The following FRAS1 variants were observed in gnomAD, a reference collection of about 807,000 sequenced individuals.
FRAS1 encodes Fraser extracellular matrix complex subunit 1, also known as extracellular matrix organizing protein FRAS1.
A neutral mutation model predicts 435.2 loss-of-function variants in FRAS1; 290 were observed. The ratio of observed to expected loss-of-function variants is 0.67; its 90% confidence interval spans 0.61 to 0.73. The LOEUF (loss-of-function observed/expected upper bound fraction) is 0.73. Among genes scored for constraint, FRAS1 ranks in the 30% least tolerant of loss-of-function variants. FRAS1 has a pLI of 0.00. For synonymous variants in FRAS1, 1,800 were observed against 1,851.0 expected (o/e 0.97, Z 0.71); for missense variants, 4,860 against 5,001.5 (o/e 0.97, Z 0.85).
chr4:78,425,162 A>C (rs1578316244), intron 35 of FRAS1, among the ~76,000 whole-genome samples: 3 of 152,014 alleles, frequency 2.0e-5, no homozygotes, highest in Middle Eastern at 3.4e-3. Context: ...TTATTGCTAC[A>C]TAATCATTAC....
intron 33 of FRAS1, among the ~76,000 whole-genome samples, chr4:78,419,513 G>A (rs368907660): frequency 2.6e-5 from 4 of 152,152 alleles, no homozygotes; most frequent in South Asian, 2.1e-4. Context: ...TTCCTTCCCC[G>A]ATTGGATACA....
In FRAS1 at chr4:78,305,346, G is replaced by C. The variant is rs906482710; in HGVS notation, c.1535-2720G>C. On this transcript the variant is annotated intron_variant, in intron 14 of 73. Coordinates refer to ENST00000512123, the MANE Select transcript of FRAS1 (RefSeq NM_025074.7). ...AAAAGAATGTATATTCTGTTGATTT[G>C]GGGTGGAGAGTTCTGTAGATGTCTA... Among the ~76,000 whole-genome samples, 76 of 151,592 alleles carry C rather than the reference G, an allele frequency of 5.0e-4. 1 individual carries two copies. In the East Asian group the frequency reaches 0.011, roughly 23 times the overall value.
chr4:78,168,576 C>T lies in FRAS1; in HGVS notation c.109-68934C>T, dbSNP rs141050363. On this transcript the variant is annotated intron_variant, in intron 2 of 73. Coordinates refer to ENST00000512123, the MANE Select transcript of FRAS1 (RefSeq NM_025074.7). ...TGCCATTTTTATTACTGTCTACTAC[C>T]TTTTCTCCTTTTATCAGAGCATTGG... 2.6e-3 allele frequency among the ~76,000 whole-genome samples: 399 copies of T among 152,000 alleles called. 2 individuals are homozygous for T. The highest frequency in any genetic ancestry group is 8.7e-3 in the African/African-American group (361 of 41,506).
intron 2 of FRAS1, among the ~76,000 whole-genome samples, chr4:78,205,205 T>C (rs75199560): frequency 1.3e-5 from 2 of 151,580 alleles, no homozygotes; most frequent in African/African-American, 4.8e-5. Context: ...TTTTTTTTTT[T>C]TGTTTTGTTT....
At chr4:78,274,889 G>T (rs1243490850) in intron 9 of FRAS1, among the ~76,000 whole-genome samples, 5 of 152,158 alleles carry the variant, frequency 3.3e-5, no homozygotes, top group Admixed American at 3.3e-4. Flanking sequence ...CTGTCTCGTT[G>T]ATCTGTCTAA....
At chr4:78,267,721 C>T in intron 9 of FRAS1, among the ~76,000 whole-genome samples, 1 of 152,218 alleles carries the variant, frequency 6.6e-6, no homozygotes, top group East Asian at 1.9e-4. Context: ...GGGACATTAG[C>T]CTATCAGGCA....
chr4:78,120,716 G>T (rs78868957), intron 2 of FRAS1, among the ~76,000 whole-genome samples: 5 of 152,154 alleles, frequency 3.3e-5, no homozygotes, highest in Admixed American at 6.5e-5. Flanking sequence ...GCAGACTTTA[G>T]GGGTCTATCC....
intron 44 of FRAS1, among the ~76,000 whole-genome samples, chr4:78,449,790 C>T (rs1237049188): frequency 4.6e-5 from 7 of 152,090 alleles, no homozygotes; most frequent in Non-Finnish European, 1.0e-4. Flanking sequence ...TAAACTAAAT[C>T]CAAGCAGGTT....
intron 14 of FRAS1, among the ~76,000 whole-genome samples, 170 bp downstream of exon 14, chr4:78,286,709 A>G (rs1461398804): frequency 2.0e-5 from 3 of 152,224 alleles, no homozygotes; most frequent in African/African-American, 7.2e-5. Flanking sequence ...TAGAGAAATG[A>G]TACATGTTGA....
intron 56 of FRAS1, among the ~76,000 whole-genome samples, chr4:78,480,437 C>T (rs1046345302): frequency 6.6e-6 from 1 of 152,186 alleles, no homozygotes; most frequent in Non-Finnish European, 1.5e-5. Flanking sequence ...TGATGGCAGG[C>T]AGGGCTGTGG....
chr4:78,263,201 C>T (rs1378826526), intron 6 of FRAS1, among the ~76,000 whole-genome samples: 1 of 152,212 alleles, frequency 6.6e-6, no homozygotes, highest in Non-Finnish European at 1.5e-5. Context: ...ACTTCCTCTC[C>T]AGTTCTGGCT....
At chr4:78,332,882 T>A (rs796666076) in intron 18 of FRAS1, among the ~76,000 whole-genome samples, 3 of 152,322 alleles carry the variant, frequency 2.0e-5, no homozygotes, top group African/African-American at 7.2e-5. Flanking sequence ...TCACCAGCTT[T>A]TCCCTTTGAT....
At chr4:78,473,252 C>T (rs1719762391) in intron 52 of FRAS1, among the ~76,000 whole-genome samples, 186 bp from the exon 53 acceptor site, 1 of 151,938 alleles carries the variant, frequency 6.6e-6, no homozygotes, top group African/African-American at 2.4e-5. Flanking sequence ...TTTCACAGAG[C>T]TTCAGGATTT....
rs751925573 is a variant in FRAS1 at position 78,445,615 on chromosome 4, T to C, written c.5759T>C (p.Val1920Ala). 2 of 1,613,918 alleles carry C rather than the reference T, an allele frequency of 1.2e-6. No individual in the cohort carries two copies. Among genetic ancestry groups the C allele is most frequent in the Non-Finnish European group, 1.7e-6 (2 of 1,179,826 alleles). ...LENYIYYFQS[V>A]HESIEPTHDI... Reference sequence around the variant, plus strand: ...AACTACATTTACTACTTTCAGAGTGTTCATGAAAGCATTGAGCCAACCCAT... The same window carrying C: ...AACTACATTTACTACTTTCAGAGTGCTCATGAAAGCATTGAGCCAACCCAT... Residue 1920 changes from valine (V) to alanine (A), a missense_variant, in exon 42 of 74, where the codon GTT becomes GCT. By Grantham distance (64) the Val-to-Ala change is moderately conservative. Transcript: ENST00000512123.
In FRAS1 at chr4:78,466,237, G is replaced by C. The variant is rs750452535; in HGVS notation, c.7059G>C (p.Gln2353His). The change falls in exon 50 of 74, where the codon CAG becomes CAC. Residue 2353 changes from glutamine to histidine, a missense_variant. Gln to His is a conservative substitution (Grantham distance 24, BLOSUM62 0). Coordinates refer to ENST00000512123, the MANE Select transcript of FRAS1 (RefSeq NM_025074.7). ...AGTCTGTCACATTCACCATCGTGCAGCCTCCACGCCATGGCACCATCGAGC... is the reference window on the plus strand; with the variant it reads ...AGTCTGTCACATTCACCATCGTGCACCCTCCACGCCATGGCACCATCGAGC... Reference protein sequence around the residue: ...EAESVTFTIVQPPRHGTIERT... With the variant: ...EAESVTFTIVHPPRHGTIERT... 6.2e-7 allele frequency: 1 copy of C among 1,613,900 alleles called. No individual in the cohort carries two copies. The highest frequency in any genetic ancestry group is 2.2e-5 in the East Asian group (1 of 44,874).
intron 2 of FRAS1, among the ~76,000 whole-genome samples, chr4:78,192,650 G>A (rs1722596715): frequency 6.6e-6 from 1 of 152,134 alleles, no homozygotes; most frequent in Non-Finnish European, 1.5e-5. Flanking sequence ...ACGCCTATTT[G>A]ATTCTTCTCT....
intron 34 of FRAS1, among the ~76,000 whole-genome samples, chr4:78,424,137 A>G (rs1012389953): frequency 6.6e-6 from 1 of 152,230 alleles, no homozygotes; most frequent in African/African-American, 2.4e-5. Context: ...TGAATGTATT[A>G]TAAATCACGC....
intron 14 of FRAS1, among the ~76,000 whole-genome samples, chr4:78,306,480 C>T (rs1335363380): frequency 1.3e-5 from 1 of 74,694 alleles, no homozygotes; most frequent in South Asian, 3.1e-4. Flanking sequence ...TTCCATTCTC[C>T]ACATCACTTT....
At chr4:78,123,795 T>C (rs1719173827) in intron 2 of FRAS1, among the ~76,000 whole-genome samples, 4 of 152,232 alleles carry the variant, frequency 2.6e-5, no homozygotes, top group Admixed American at 2.6e-4. Flanking sequence ...TATTTGTGTA[T>C]AGGAATGCTT....
Sources: gnomAD v4.1 joint callset for allele counts (sites outside exome capture counted in the v4.1 genomes callset) on GRCh38, gnomAD v4.1.1 for gene constraint, MANE v1.5 for transcripts, NCBI Gene and HGNC (gene_info 2026-07-23, HGNC 2026-07-21) for gene names.